The following EFCAB6 variants were observed in gnomAD, a reference collection of about 807,000 sequenced individuals.
EFCAB6 encodes the protein EF-hand calcium-binding domain-containing protein 6.
In EFCAB6, 156 loss-of-function variants were observed where a neutral mutation model predicts 169.8. That is an observed-to-expected ratio of 0.92 (90% CI 0.81 to 1.05). The LOEUF is 1.05. EFCAB6 is among the 50% of genes least tolerant of loss of function. EFCAB6 has a pLI of 0.00. For missense variants in EFCAB6, 1,800 were observed against 1,829.1 expected (o/e 0.98, Z 0.29); for synonymous variants, 698 against 676.4 (o/e 1.03, Z -0.50).
intron 2 of EFCAB6, among the ~76,000 whole-genome samples, chr22:43,790,027 A>T (rs746482286): frequency 7.2e-5 from 11 of 152,244 alleles, no homozygotes; most frequent in Non-Finnish European, 1.6e-4. Context: ...GAAGAATCAC[A>T]AAGTTTACAG....
At chr22:43,548,539 C>CAAAAAAAAAAAAAAAAAAAAAAAAAAA (rs397868076) in intron 27 of EFCAB6, among the ~76,000 whole-genome samples, 4 of 36,750 alleles carry the variant, frequency 1.1e-4, no homozygotes, top group Non-Finnish European at 1.8e-4. Context: ...GAATCCATCT[C>CAAAAAAAAAAAAAAAAAAAAAAAAAAA]AAAAAAAAAA....
At chr22:43,601,941 C>G (rs2052552368) in intron 22 of EFCAB6, among the ~76,000 whole-genome samples, 1 of 152,254 alleles carries the variant, frequency 6.6e-6, no homozygotes, top group Admixed American at 6.5e-5. Flanking sequence ...TGCCTCAACA[C>G]AGCATTCGCC....
intron 2 of EFCAB6, among the ~76,000 whole-genome samples, chr22:43,787,483 A>G (rs951389802): frequency 6.6e-6 from 1 of 152,176 alleles, no homozygotes; most frequent in Admixed American, 6.5e-5. Flanking sequence ...CAATCTGAAA[A>G]TAAAATTAAG....
In EFCAB6 at chr22:43,532,461, T is replaced by C. The variant is rs551674210; in HGVS notation, c.4234-1497A>G. Among the ~76,000 whole-genome samples, 11 of 152,350 alleles carry C rather than the reference T, an allele frequency of 7.2e-5. No individual in the cohort carries two copies. In the South Asian group the frequency reaches 2.1e-3, roughly 29 times the overall value. On this transcript the variant is annotated intron_variant, in intron 30 of 31. Coordinates refer to ENST00000262726, the MANE Select transcript of EFCAB6 (RefSeq NM_022785.4). ...GGAGGCGGAGGAAGGATGGAATTGA[T>C]GGCGGCCTTGCTGCCACGTGTCTCC...
intron 3 of EFCAB6, among the ~76,000 whole-genome samples, chr22:43,779,345 T>A (rs1407190525): frequency 2.0e-5 from 3 of 152,200 alleles, no homozygotes; most frequent in Non-Finnish European, 2.9e-5. Flanking sequence ...ATATCTACAG[T>A]TATATGTTGT....
chr22:43,657,386 C>T (rs1337265038), intron 17 of EFCAB6, among the ~76,000 whole-genome samples: 1 of 151,754 alleles, frequency 6.6e-6, no homozygotes, highest in African/African-American at 2.4e-5. Context: ...ACTTTAGAAT[C>T]TATTCTCTGA....
chr22:43,706,464 C>A (rs1165388763), intron 10 of EFCAB6, among the ~76,000 whole-genome samples: 1 of 152,224 alleles, frequency 6.6e-6, no homozygotes, highest in East Asian at 1.9e-4. Flanking sequence ...GTCTCCCCCA[C>A]CAGCAGGCAC....
Position 43,782,324 on chromosome 22 carries a change from C to T in EFCAB6, c.-6G>A, listed in dbSNP as rs771427476. On this transcript the variant is annotated splice_region_variant and 5_prime_UTR_variant, in exon 3 of 32. Coordinates refer to ENST00000262726, the MANE Select transcript of EFCAB6 (RefSeq NM_022785.4). ...ATAATCGCCATTTTGCACATTAAAT[C>T]CCTGTGATATAAAAGAAAACAGATT... 17 of 1,610,706 alleles carry T rather than the reference C, an allele frequency of 1.1e-5. No homozygotes were observed. In the East Asian group the frequency reaches 3.6e-4, roughly 34 times the overall value.
intron 9 of EFCAB6, among the ~76,000 whole-genome samples, chr22:43,712,897 T>C (rs1033600737): frequency 6.6e-6 from 1 of 152,100 alleles, no homozygotes. Context: ...TTTTTAGAAA[T>C]TTTCATTGTT....
chr22:43,730,276 G>GA (rs1569450035), intron 8 of EFCAB6, among the ~76,000 whole-genome samples: 2 of 92,392 alleles, frequency 2.2e-5, no homozygotes, highest in Non-Finnish European at 4.7e-5. Flanking sequence ...GCGAGGGAGG[G>GA]AGGGATGGAG....
chr22:43,678,195 T>TTA, intron 12 of EFCAB6, 32 bp from the exon 13 acceptor site: 33 of 1,397,656 alleles, frequency 2.4e-5, no homozygotes, highest in Non-Finnish European at 2.7e-5. Flanking sequence ...AGGGAATTTT[T>TTA]GAAAAAAAAA....
At chr22:43,747,482 C>A (rs905927535) in intron 6 of EFCAB6, among the ~76,000 whole-genome samples, 1 of 152,132 alleles carries the variant, frequency 6.6e-6, no homozygotes, top group African/African-American at 2.4e-5. Flanking sequence ...GTCGAAGTGG[C>A]GCCCAGTTTC....
chr22:43,718,407 A>G (rs1248842170), intron 8 of EFCAB6, among the ~76,000 whole-genome samples: 1 of 152,086 alleles, frequency 6.6e-6, no homozygotes, highest in Non-Finnish European at 1.5e-5. Context: ...CTGGAATTCT[A>G]TTTCCTAGCT....
intron 21 of EFCAB6, among the ~76,000 whole-genome samples, chr22:43,612,137 C>T (rs1019259096): frequency 1.3e-5 from 2 of 152,138 alleles, no homozygotes; most frequent in Non-Finnish European, 2.9e-5. Context: ...GGGCCCCTTC[C>T]TTATAACAAA....
intron 10 of EFCAB6, among the ~76,000 whole-genome samples, 184 bp downstream of exon 10, chr22:43,711,291 T>C (rs1232068952): frequency 1.3e-5 from 2 of 152,210 alleles, no homozygotes; most frequent in Non-Finnish European, 2.9e-5. Context: ...GATTTGACCA[T>C]TGTTGAAGCT....
At chr22:43,662,640 T>C (rs987725373) in intron 17 of EFCAB6, among the ~76,000 whole-genome samples, 1 of 151,688 alleles carries the variant, frequency 6.6e-6, no homozygotes, top group South Asian at 2.1e-4. Flanking sequence ...TGTATATCCA[T>C]GACCAAAAGG....
At chr22:43,811,876 C>A (rs2063143193) in intron 1 of EFCAB6, among the ~76,000 whole-genome samples, 1 of 152,126 alleles carries the variant, frequency 6.6e-6, no homozygotes, top group Non-Finnish European at 1.5e-5. Flanking sequence ...CACAGAGAGG[C>A]AGGGAAGAAG....
intron 20 of EFCAB6, among the ~76,000 whole-genome samples, chr22:43,618,912 T>C (rs547493713): frequency 0.059 from 73 of 1,238 alleles, no homozygotes; most frequent in African/African-American, 0.19. Flanking sequence ...CTCTCTCTCT[T>C]TTTTTTTTTT....
intron 4 of EFCAB6, among the ~76,000 whole-genome samples, chr22:43,770,094 T>A (rs1490685879): frequency 6.6e-6 from 1 of 152,230 alleles, no homozygotes; most frequent in East Asian, 1.9e-4. Context: ...AGACCTCAGG[T>A]GATCTGCCTG....
Sources: allele counts gnomAD v4.1 joint callset (sites outside exome capture counted in the v4.1 genomes callset), GRCh38; gene constraint gnomAD v4.1.1; transcripts MANE v1.5; gene names NCBI Gene and HGNC (gene_info 2026-07-23, HGNC 2026-07-21).